Variants in DIP2C observed in about 807,000 individuals in gnomAD.
DIP2C encodes DIP2 acetate--CoA ligase C (putative).
DIP2C carries 33 observed loss-of-function variants against 192.4 expected under a neutral mutation model. The observed-to-expected ratio is 0.17, with a 90% CI of 0.13 to 0.23. The LOEUF is 0.23. Ranked by LOEUF, DIP2C falls within the 10% of genes least tolerant of loss-of-function variation. The probability of loss-of-function intolerance (pLI) is 1.00; values close to 1 mark genes in which losing one functional copy is unlikely to be tolerated. For synonymous variants in DIP2C, 979 were observed against 864.1 expected, an observed-to-expected ratio of 1.13 and a Z score of -2.33; for missense variants, 1,537 against 2,110.1, an observed-to-expected ratio of 0.73 and a Z score of 5.32.
chr10:670,238 G>A (rs111537411), intron 1 of DIP2C, among the ~76,000 whole-genome samples: 43 of 151,688 alleles, frequency 2.8e-4, no homozygotes, highest in African/African-American at 1.0e-3. Context: ...GCATGCACAC[G>A]CATATGCACA....
chr10:417,440 A>G (rs200333401), intron 6 of DIP2C, among the ~76,000 whole-genome samples: 1 of 30,326 alleles, frequency 3.3e-5, no homozygotes, highest in African/African-American at 1.2e-4. Context: ...AGACGAACTC[A>G]TCAGAGAACT....
At chr10:301,105 C>T (rs1956024336) in intron 32 of DIP2C, among the ~76,000 whole-genome samples, 2 of 152,068 alleles carry the variant, frequency 1.3e-5, no homozygotes, top group South Asian at 4.1e-4. Flanking sequence ...AGGGTGGGGT[C>T]GTAGGTGGCC....
chr10:501,840 A>T (rs928328913), intron 1 of DIP2C, among the ~76,000 whole-genome samples: 2 of 152,132 alleles, frequency 1.3e-5, no homozygotes, highest in African/African-American at 4.8e-5. Flanking sequence ...AAACCTCTGC[A>T]CCTTCGTGGC....
intron 1 of DIP2C, among the ~76,000 whole-genome samples, chr10:614,418 T>C (rs984066236): frequency 1.3e-5 from 2 of 152,186 alleles, no homozygotes; most frequent in Non-Finnish European, 2.9e-5. Flanking sequence ...GCCGGCTCTG[T>C]GGTGGGATCC....
intron 1 of DIP2C, among the ~76,000 whole-genome samples, chr10:609,181 C>T (rs980866573): frequency 4.6e-5 from 7 of 151,932 alleles, no homozygotes; most frequent in Non-Finnish European, 7.4e-5. Flanking sequence ...ATTTAATGAT[C>T]TTCACCTAAA....
At chr10:378,679 G>T (rs892986773) in intron 17 of DIP2C, among the ~76,000 whole-genome samples, 3 of 150,530 alleles carry the variant, frequency 2.0e-5, no homozygotes, top group Non-Finnish European at 4.4e-5. Flanking sequence ...AGGCACACAT[G>T]AACAGACATG....
At chr10:551,531 T>C (rs1397150966) in intron 1 of DIP2C, among the ~76,000 whole-genome samples, 1 of 152,100 alleles carries the variant, frequency 6.6e-6, no homozygotes, top group African/African-American at 2.4e-5. Flanking sequence ...GAAGGAGGCC[T>C]CGGTGCACAA....
At chr10:598,147 G>C (rs933029079) in intron 1 of DIP2C, among the ~76,000 whole-genome samples, 2 of 152,230 alleles carry the variant, frequency 1.3e-5, no homozygotes, top group Non-Finnish European at 2.9e-5. Flanking sequence ...CAGGCAAAGA[G>C]TCGGAGACAC....
chr10:553,439 CACAATCTCTA>C (rs1848682481), intron 1 of DIP2C, among the ~76,000 whole-genome samples: 1 of 152,234 alleles, frequency 6.6e-6, no homozygotes, highest in African/African-American at 2.4e-5. Flanking sequence ...GCTGCACTCC[CACAATCTCTA>C]ACCACCCTGC....
At position 323,306 on chromosome 10, in the gene DIP2C, C is replaced by T. The variant is rs9794668; in HGVS notation, c.3924+3700G>A. Among the ~76,000 whole-genome samples the T allele has an allele frequency of 2.8e-3, 136 of 48,622 alleles. 1 individual carries two copies. The East Asian group carries it at 0.031, about 11-fold the overall frequency. The allele number at this position is 48,622 out of a possible 152,430, so 31.9% of individuals were successfully genotyped here. A position where few individuals can be genotyped will look rare whatever the true frequency, so the allele number is the denominator to read the frequency against. On this transcript the variant is annotated intron_variant, in intron 31 of 36. Transcript: ENST00000280886. ...GTCAGTCGGGGGTGCGGGGCTCCAG[C>T]GAGAGACCGGCGCTGTTAGAACAGT...
intron 28 of DIP2C, among the ~76,000 whole-genome samples, 200 bp from the exon 29 acceptor site, chr10:341,529 A>G (rs1279945034): frequency 6.7e-6 from 1 of 150,058 alleles, no homozygotes; most frequent in Admixed American, 6.6e-5. Context: ...AACCCGGGAC[A>G]ATACGGGGCT....
At chr10:424,241 T>C (rs1966413209) in intron 4 of DIP2C, among the ~76,000 whole-genome samples, 1 of 151,878 alleles carries the variant, frequency 6.6e-6, no homozygotes, top group Non-Finnish European at 1.5e-5. Flanking sequence ...TTGCAAACAA[T>C]ATACACACTT....
At chr10:551,867 A>G (rs1351684213) in intron 1 of DIP2C, among the ~76,000 whole-genome samples, 3 of 152,190 alleles carry the variant, frequency 2.0e-5, no homozygotes, top group African/African-American at 7.2e-5. Flanking sequence ...AGGCCGCTCA[A>G]TGTCACGGCC....
chr10:499,205 C>A (rs868152798), intron 1 of DIP2C, among the ~76,000 whole-genome samples: 29 of 152,134 alleles, frequency 1.9e-4, no homozygotes, highest in African/African-American at 6.5e-4. Flanking sequence ...CAGCCCTGAC[C>A]CCTCAATGGC....
At chr10:394,357 G>A (rs1221990650) in intron 10 of DIP2C, among the ~76,000 whole-genome samples, 1 of 150,200 alleles carries the variant, frequency 6.7e-6, no homozygotes, top group Non-Finnish European at 1.5e-5. Context: ...ATGGCACACA[G>A]TGGGTGCTAT....
At chr10:514,574 CTCCAAGG>C (rs1412571126) in intron 1 of DIP2C, among the ~76,000 whole-genome samples, 1 of 152,216 alleles carries the variant, frequency 6.6e-6, no homozygotes, top group East Asian at 1.9e-4. Context: ...CCAGACCTCA[CTCCAAGG>C]ACCGCGGGTT....
chr10:505,289 T>C (rs1297535973), intron 1 of DIP2C, among the ~76,000 whole-genome samples: 2 of 151,744 alleles, frequency 1.3e-5, no homozygotes, highest in Non-Finnish European at 2.9e-5. Context: ...TATACAGATA[T>C]ACACGCAGGA....
At chr10:477,133 G>A (rs923516592) in intron 2 of DIP2C, among the ~76,000 whole-genome samples, 10 of 148,906 alleles carry the variant, frequency 6.7e-5, no homozygotes, top group African/African-American at 2.2e-4. Context: ...AGAAGGCAGT[G>A]AGGCCAGCAC....
chr10:426,472 G>A (rs979879786), intron 4 of DIP2C, among the ~76,000 whole-genome samples: 1 of 152,184 alleles, frequency 6.6e-6, no homozygotes, highest in African/African-American at 2.4e-5. Context: ...TAAAATCCCA[G>A]AAGGCTTTGT....
Sources: allele counts gnomAD v4.1 joint callset (sites outside exome capture counted in the v4.1 genomes callset), GRCh38; gene constraint gnomAD v4.1.1; transcripts MANE v1.5; gene names NCBI Gene and HGNC (gene_info 2026-07-23, HGNC 2026-07-21).